The following ZNF385D variants were observed in gnomAD, a reference collection of about 807,000 sequenced individuals.
The protein encoded by ZNF385D is zinc finger protein 385D.
Under a neutral mutation model 35.8 loss-of-function variants are expected in ZNF385D, and 15 were observed. The observed-to-expected ratio is 0.42, with a 90% CI of 0.28 to 0.64. The LOEUF is 0.64. Ranked by LOEUF, ZNF385D falls within the 30% of genes least tolerant of loss-of-function variation. The pLI, the probability that ZNF385D is intolerant of heterozygous loss-of-function variation, is 0.23. For synonymous variants in ZNF385D, 212 were observed against 186.8 expected, an observed-to-expected ratio of 1.13 and a Z score of -1.10; for missense variants, 474 against 494.6, an observed-to-expected ratio of 0.96 and a Z score of 0.39.
At chr3:21,722,158 A>C (rs2068570351) in intron 1 of ZNF385D, among the ~76,000 whole-genome samples, 2 of 151,850 alleles carry the variant, frequency 1.3e-5, no homozygotes, top group Admixed American at 1.3e-4. Context: ...GGGTGGTGCT[A>C]AGTCCCAAAG....
At chr3:22,110,212 T>C (rs1576337077) in intron 3 of ZNF385D, among the ~76,000 whole-genome samples, 1 of 151,868 alleles carries the variant, frequency 6.6e-6, no homozygotes, top group African/African-American at 2.4e-5. Context: ...AGTTCAACCA[T>C]TGTGGAAGTC....
intron 3 of ZNF385D, among the ~76,000 whole-genome samples, chr3:21,811,666 T>C (rs925629976): frequency 5.9e-5 from 9 of 152,208 alleles, no homozygotes; most frequent in South Asian, 2.1e-4. Context: ...ATAAACTGTA[T>C]AGTTTACAAA....
chr3:21,638,076 C>T (rs192098139), intron 2 of ZNF385D, among the ~76,000 whole-genome samples: 1 of 152,190 alleles, frequency 6.6e-6, no homozygotes, highest in Admixed American at 6.6e-5. Flanking sequence ...TTACATTGTG[C>T]TGGACATATT....
intron 2 of ZNF385D, among the ~76,000 whole-genome samples, chr3:22,234,361 C>T (rs1282840672): frequency 6.6e-6 from 1 of 152,086 alleles, no homozygotes; most frequent in Non-Finnish European, 1.5e-5. Flanking sequence ...TTTTTGAAGA[C>T]ACTTCCAAAT....
At chr3:21,607,047 C>T (rs959506896) in intron 2 of ZNF385D, among the ~76,000 whole-genome samples, 19 of 152,150 alleles carry the variant, frequency 1.2e-4, no homozygotes, top group Admixed American at 3.9e-4. Flanking sequence ...ACTTCTGAGG[C>T]ACTTACAGAG....
At chr3:22,256,830 C>A (rs1196990118) in intron 2 of ZNF385D, among the ~76,000 whole-genome samples, 1 of 151,804 alleles carries the variant, frequency 6.6e-6, no homozygotes, top group Non-Finnish European at 1.5e-5. Context: ...ACTCTCTCGT[C>A]TTCACAGATT....
intron 3 of ZNF385D, among the ~76,000 whole-genome samples, chr3:22,100,958 T>C (rs2125624261): frequency 6.6e-6 from 1 of 152,152 alleles, no homozygotes; most frequent in East Asian, 1.9e-4. Context: ...TCAGGCAACA[T>C]TTTATTGAAT....
At chr3:21,549,814 G>A (rs767808393) in intron 3 of ZNF385D, among the ~76,000 whole-genome samples, 1 of 152,214 alleles carries the variant, frequency 6.6e-6, no homozygotes, top group African/African-American at 2.4e-5. Context: ...TGAAAGAGAT[G>A]TTTCAAAGCT....
Position 21,805,286 on chromosome 3 carries a change from G to A in ZNF385D, c.326-140258C>T, listed in dbSNP as rs149550181. The stretch of plus-strand genomic sequence containing the variant: ...GAGAGAATATATATGTGTAAATAGT[G>A]TGTAGATTTCTTGTAAATGTGGGTG... On this transcript the variant is annotated intron_variant, in intron 3 of 5. Coordinates refer to the ZNF385D transcript ENST00000494108. 4.5e-3 allele frequency among the ~76,000 whole-genome samples: 681 copies of A among 152,308 alleles called. 6 individuals carry two copies. Among genetic ancestry groups the A allele is most frequent in the Middle Eastern group, 0.01 (3 of 294 alleles).
chr3:21,571,104 C>T (rs561831958), intron 2 of ZNF385D, among the ~76,000 whole-genome samples: 13 of 152,062 alleles, frequency 8.5e-5, no homozygotes, highest in Non-Finnish European at 1.9e-4. Context: ...CATATTTACA[C>T]CATCCCAATA....
rs577042016 is a variant in ZNF385D, at chr3:22,013,050, G to A, written c.325+155767C>T. On this transcript the variant is annotated intron_variant, in intron 3 of 5. Transcript: ENST00000494108. ...TTAGCAGAACAAAAATTTAAGAAATGTATGGAAGATTTAAAGTAGATAAGC... is the reference window on the plus strand; with the variant it reads ...TTAGCAGAACAAAAATTTAAGAAATATATGGAAGATTTAAAGTAGATAAGC... Among the ~76,000 whole-genome samples the A allele has an allele frequency of 3.3e-5, 5 of 152,160 alleles. No individual in the cohort carries two copies. The South Asian group carries it at 6.2e-4, about 19-fold the overall frequency.
chr3:22,080,309 C>T (rs749576226), intron 3 of ZNF385D, among the ~76,000 whole-genome samples: 2 of 152,076 alleles, frequency 1.3e-5, no homozygotes. Flanking sequence ...GACTTTAATG[C>T]ATAAATGACA....
At chr3:22,079,976 A>G (rs1700664888) in intron 3 of ZNF385D, among the ~76,000 whole-genome samples, 2 of 152,070 alleles carry the variant, frequency 1.3e-5, no homozygotes, top group African/African-American at 4.8e-5. Context: ...AAAGCACCAG[A>G]GCAGTTATTT....
intron 2 of ZNF385D, among the ~76,000 whole-genome samples, chr3:22,203,852 CA>C: frequency 6.6e-6 from 1 of 152,248 alleles, no homozygotes; most frequent in Admixed American, 6.6e-5. Flanking sequence ...TCTGAGATTC[CA>C]ACTTCAAACC....
intron 3 of ZNF385D, chr3:21,849,830 C>G (rs1696270363): frequency 6.6e-6 from 1 of 151,810 alleles, no homozygotes; most frequent in Non-Finnish European, 1.5e-5. Flanking sequence ...ACTGTAACAT[C>G]AAACTCCTGG....
intron 3 of ZNF385D, among the ~76,000 whole-genome samples, chr3:21,825,426 C>CA (rs914676875): frequency 1.3e-5 from 2 of 151,746 alleles, no homozygotes; most frequent in African/African-American, 4.8e-5. Flanking sequence ...CTTTTAGCTT[C>CA]AAAAAACAGA....
chr3:21,836,859 C>G (rs1370336406), intron 3 of ZNF385D, among the ~76,000 whole-genome samples: 1 of 152,040 alleles, frequency 6.6e-6, no homozygotes, highest in South Asian at 2.1e-4. Context: ...CCCACCCCAG[C>G]TTAAATATCT....
chr3:22,124,290 T>C (rs939420734), intron 3 of ZNF385D, among the ~76,000 whole-genome samples: 3 of 152,148 alleles, frequency 2.0e-5, no homozygotes, highest in African/African-American at 4.8e-5. Flanking sequence ...TAGTACTTCA[T>C]TGTGTATAAG....
chr3:21,992,171 T>C (rs1695189611), intron 3 of ZNF385D, among the ~76,000 whole-genome samples: 1 of 152,102 alleles, frequency 6.6e-6, no homozygotes, highest in South Asian at 2.1e-4. Flanking sequence ...AACCAAGCAA[T>C]ACCATAAATA....
Sources: allele counts gnomAD v4.1 joint callset (sites outside exome capture counted in the v4.1 genomes callset), GRCh38; gene constraint gnomAD v4.1.1; transcripts MANE v1.5; gene names NCBI Gene and HGNC (gene_info 2026-07-23, HGNC 2026-07-21).